Variants in ENPP1 observed in about 807,000 individuals in gnomAD.
ENPP1 encodes the protein ectonucleotide pyrophosphatase/phosphodiesterase 1, also known as ectonucleotide pyrophosphatase/phosphodiesterase family member 1.
ENPP1 carries 73 observed loss-of-function variants against 122.8 expected under a neutral mutation model. That is an observed-to-expected ratio of 0.59 (90% confidence interval 0.49 to 0.72). The LOEUF (loss-of-function observed/expected upper bound fraction) is 0.72. Ranked by LOEUF, ENPP1 falls within the 30% of genes least tolerant of loss-of-function variation. The pLI, the probability that ENPP1 is intolerant of heterozygous loss-of-function variation, is 0.00. For missense variants in ENPP1, 978 were observed against 1,128.1 expected (o/e 0.87, Z 1.91); for synonymous variants, 367 against 391.6 (o/e 0.94, Z 0.74).
At chr6:131,873,110 C>A in intron 15 of ENPP1, 60 bp downstream of exon 15, 1 of 1,561,434 alleles carries the variant, frequency 6.4e-7, no homozygotes, top group Non-Finnish European at 8.8e-7. Flanking sequence ...TCAGGGTAAC[C>A]ATTGGGCCCT....
At chr6:131,819,959 C>G in intron 1 of ENPP1, 1 of 492,474 alleles carries the variant, frequency 2.0e-6, no homozygotes, top group Non-Finnish European at 3.8e-6. Context: ...TTTTTCGCAT[C>G]TTGCTGAAGC....
At chr6:131,826,020 A>C in intron 1 of ENPP1, 1 of 726,090 alleles carries the variant, frequency 1.4e-6, no homozygotes, top group Non-Finnish European at 2.6e-6. Context: ...ATTCTGTTAC[A>C]GGAAGAGGAA....
chr6:131,852,269 T>C, intron 5 of ENPP1, 34 bp downstream of exon 5: 1 of 1,307,544 alleles, frequency 7.6e-7, no homozygotes, highest in Non-Finnish European at 1.1e-6. Flanking sequence ...AATTTTTTCT[T>C]TTTTAGAAGT....
At chr6:131,879,222 C>G (rs959634093) in intron 19 of ENPP1, among the ~76,000 whole-genome samples, 4 of 152,050 alleles carry the variant, frequency 2.6e-5, no homozygotes, top group Admixed American at 2.6e-4. Flanking sequence ...TTTGATATCT[C>G]CAAGGTGGCA....
intron 1 of ENPP1, among the ~76,000 whole-genome samples, chr6:131,844,671 C>T (rs573616221): frequency 2.6e-5 from 4 of 152,220 alleles, no homozygotes; most frequent in African/African-American, 7.2e-5. Flanking sequence ...AACAGCTAAC[C>T]GTGGGAATGC....
At chr6:131,864,450 T>C (rs1282209832) in intron 9 of ENPP1, 56 bp from the exon 10 acceptor site, 1 of 1,173,258 alleles carries the variant, frequency 8.5e-7, no homozygotes, top group Admixed American at 1.7e-5. Flanking sequence ...AAAAACTATA[T>C]TTTACACCCA....
rs1781364211 is a variant in ENPP1 at position 131,812,230 on chromosome 6, A to G, written c.240+3955A>G. On this transcript the variant is annotated intron_variant, in intron 1 of 24. Coordinates refer to ENST00000647893, the MANE Select transcript of ENPP1 (RefSeq NM_006208.3). ...GATGACACAAATAAGGACAATTATC[A>G]ACAAAACAACTTGAAATACAAATAT... Among the ~76,000 whole-genome samples the G allele has an allele frequency of 2.0e-5, 3 of 152,244 alleles. No individual in the cohort carries two copies. In the South Asian group the frequency reaches 6.2e-4, roughly 32 times the overall value.
intron 1 of ENPP1, among the ~76,000 whole-genome samples, chr6:131,845,457 T>TG (rs1465322542): frequency 2.0e-5 from 3 of 149,592 alleles, no homozygotes; most frequent in Admixed American, 6.6e-5. Context: ...GCTTGTTTTT[T>TG]TTTTTTTTTT....
rs746361578 is a variant in ENPP1 at position 131,879,895 on chromosome 6, A to T, written c.1961A>T (p.His654Leu). 1.2e-6 allele frequency: 2 copies of T among 1,613,668 alleles called. No individual in the cohort carries two copies. Among genetic ancestry groups the T allele is most frequent in the African/African-American group, 2.7e-5 (2 of 74,932 alleles). ...GTGACCCAAGAGAAGATTATTAAGC[A>T]TGAAACTTTACCCTATGGAAGACCT... ...LTVAEEKIIK[H>L]ETLPYGRPRV... Residue 654 changes from histidine to leucine, a missense_variant, in exon 20 of 25, where the codon CAT (histidine) becomes CTT (leucine). By Grantham distance (99) the His-to-Leu change is moderately conservative. Coordinates refer to ENST00000647893, the MANE Select transcript of ENPP1 (RefSeq NM_006208.3).
At chr6:131,823,553 A>C (rs1485257605) in intron 1 of ENPP1, among the ~76,000 whole-genome samples, 2 of 151,892 alleles carry the variant, frequency 1.3e-5, no homozygotes, top group Non-Finnish European at 2.9e-5. Flanking sequence ...CTCCAAATAC[A>C]CTTTGTACAG....
intron 1 of ENPP1, among the ~76,000 whole-genome samples, chr6:131,832,766 T>C (rs1047408795): frequency 1.3e-5 from 2 of 152,160 alleles, no homozygotes; most frequent in Non-Finnish European, 2.9e-5. Context: ...CTTGCAGTCT[T>C]AGGGCCTCCC....
chr6:131,873,187 A>G, intron 15 of ENPP1, 137 bp downstream of exon 15: 1 of 1,032,278 alleles, frequency 9.7e-7, no homozygotes. Flanking sequence ...CAGGATTTCT[A>G]ATGTCGGCCT....
chr6:131,860,671 T>C (rs1367754336), intron 8 of ENPP1, among the ~76,000 whole-genome samples, 165 bp downstream of exon 8: 2 of 152,198 alleles, frequency 1.3e-5, no homozygotes, highest in Non-Finnish European at 2.9e-5. Context: ...AAACATAACT[T>C]GTATAATTGC....
At chr6:131,864,977 A>G in intron 11 of ENPP1, 39 bp downstream of exon 11, 1 of 1,292,950 alleles carries the variant, frequency 7.7e-7, no homozygotes, top group Non-Finnish European at 1.1e-6. Flanking sequence ...CATTAAACCC[A>G]GTCATCAAAC....
rs1781301291 is a variant in ENPP1 at position 131,808,090 on chromosome 6, G to C, written c.55G>C (p.Ala19Pro). 2 of 1,117,324 alleles carry C rather than the reference G, an allele frequency of 1.8e-6. No homozygotes were observed. The highest frequency in any genetic ancestry group is 2.2e-6 in the Non-Finnish European group (2 of 914,012). 69.2% of individuals were successfully genotyped at this position (1,117,324 alleles called of 1,614,324 possible). ...GGSRGGEGGR[A>P]PREGPAGNGR... ...GAGCCGCGGCGGCGAGGGCGGGCGC[G>C]CTCCCCGGGAGGGCCCGGCGGGGAA... The change falls in exon 1 of 25, where the codon GCT becomes CCT. Residue 19 changes from alanine (A) to proline (P), a missense_variant. By Grantham distance (27) the Ala-to-Pro change is conservative. This residue lies in a region of ENPP1 where 330 missense variants were observed against 328.5 expected (regional missense o/e 1.00). Transcript: ENST00000647893.
rs1781875434 is a variant in ENPP1 at position 131,851,148 on chromosome 6, T to A, written c.437T>A (p.Ile146Lys). 1.9e-6 allele frequency: 3 copies of A among 1,613,954 alleles called. No individual in the cohort carries two copies. The highest frequency in any genetic ancestry group is 1.3e-5 in the African/African-American group (1 of 74,930). The change falls in exon 4 of 25, where the codon ATA becomes AAA. Residue 146 changes from isoleucine (I) to lysine (K), a missense_variant. Around this residue, in one of 3 missense-constraint regions of ENPP1, gnomAD observed 330 missense variants for 328.5 expected, o/e 1.00. Coordinates refer to ENST00000647893, the MANE Select transcript of ENPP1 (RefSeq NM_006208.3). Reference protein sequence around the residue: ...YQETCIEPEHIWTCNKFRCGE... With the variant: ...YQETCIEPEHKWTCNKFRCGE... ...TGCTGATGTTTGTTTCTAGAACATATATGGACTTGCAACAAATTCAGGTGT... is the reference window on the plus strand; with the variant it reads ...TGCTGATGTTTGTTTCTAGAACATAAATGGACTTGCAACAAATTCAGGTGT...
chr6:131,856,998 TTAAAG>T (rs1309700153), intron 6 of ENPP1, among the ~76,000 whole-genome samples: 3 of 152,106 alleles, frequency 2.0e-5, no homozygotes, highest in Admixed American at 6.6e-5. Context: ...CATATGAACT[TTAAAG>T]TAGTTTTTTC....
intron 1 of ENPP1, chr6:131,827,588 T>C (rs1562512166): frequency 3.4e-6 from 2 of 593,158 alleles, no homozygotes; most frequent in East Asian, 6.2e-5. Context: ...GGTTAAAAAA[T>C]ATGGAACATA....
rs187519240 is a variant in ENPP1 at position 131,812,994 on chromosome 6, C to A, written c.240+4719C>A. The stretch of plus-strand genomic sequence containing the variant: ...AGCTGGGATTACAGGCACACACCAC[C>A]ACTCCTGGCTAATTTTTTTGTATTT... On this transcript the variant is annotated intron_variant, in intron 1 of 24. Transcript: ENST00000647893. 1.4e-3 allele frequency among the ~76,000 whole-genome samples: 206 copies of A among 152,176 alleles called. 1 individual carries two copies. Among genetic ancestry groups the A allele is most frequent in the Middle Eastern group, 3.4e-3 (1 of 294 alleles).
Sources: gnomAD v4.1 joint callset for allele counts (sites outside exome capture counted in the v4.1 genomes callset) on GRCh38, gnomAD v4.1.1 for gene constraint, gnomAD v4.1.1 regional missense constraint, MANE v1.5 for transcripts, NCBI Gene and HGNC (gene_info 2026-07-23, HGNC 2026-07-21) for gene names.